The following LARP1B variants were observed in gnomAD, a reference collection of about 807,000 sequenced individuals.
LARP1B encodes la-related protein 1B.
LARP1B carries 76 observed loss-of-function variants against 114.2 expected under a neutral mutation model. The ratio of observed to expected loss-of-function variants is 0.67; its 90% confidence interval spans 0.55 to 0.81. The LOEUF (loss-of-function observed/expected upper bound fraction) is 0.81, where lower values mean the gene tolerates loss of function less well. Among genes scored for constraint, LARP1B ranks in the 30% least tolerant of loss-of-function variants. The pLI is 0.00. For synonymous variants in LARP1B, 345 were observed against 348.0 expected, an observed-to-expected ratio of 0.99 and a Z score of 0.10; for missense variants, 1,014 against 1,075.8, an observed-to-expected ratio of 0.94 and a Z score of 0.80.
intron 11 of LARP1B, among the ~76,000 whole-genome samples, chr4:128,153,745 G>T (rs1014057804): frequency 6.6e-6 from 1 of 152,180 alleles, no homozygotes; most frequent in Non-Finnish European, 1.5e-5. Context: ...TGACTCCCTT[G>T]TGTCTTTGTG....
intron 11 of LARP1B, among the ~76,000 whole-genome samples, chr4:128,139,344 T>C (rs1726877781): frequency 6.6e-6 from 1 of 152,118 alleles, no homozygotes; most frequent in Admixed American, 6.5e-5. Flanking sequence ...AGAATATCTG[T>C]AAGTCAGGCA....
intron 11 of LARP1B, among the ~76,000 whole-genome samples, chr4:128,157,032 C>T (rs542036334): frequency 1.3e-5 from 2 of 151,138 alleles, no homozygotes; most frequent in South Asian, 4.2e-4. Flanking sequence ...TATTAGAAGA[C>T]AATATGATAT....
At chr4:128,163,588 T>TAG (rs1177003045) in intron 12 of LARP1B, among the ~76,000 whole-genome samples, 1 of 152,188 alleles carries the variant, frequency 6.6e-6, no homozygotes, top group Non-Finnish European at 1.5e-5. Flanking sequence ...TATTCTGAGA[T>TAG]AGAGTTCTTA....
chr4:128,162,857 A>G (rs1346036072), intron 12 of LARP1B, among the ~76,000 whole-genome samples: 2 of 152,126 alleles, frequency 1.3e-5, no homozygotes, highest in Non-Finnish European at 2.9e-5. Context: ...ATACTTAATC[A>G]TCTCATACCC....
intron 11 of LARP1B, among the ~76,000 whole-genome samples, chr4:128,131,798 G>A (rs1329458278): frequency 6.6e-6 from 1 of 152,174 alleles, no homozygotes; most frequent in Non-Finnish European, 1.5e-5. Context: ...GGGCCAATAA[G>A]CACTTGAAAA....
intron 1 of LARP1B, among the ~76,000 whole-genome samples, chr4:128,071,192 G>T (rs1417229916): frequency 2.0e-5 from 3 of 151,482 alleles, no homozygotes; most frequent in Non-Finnish European, 2.9e-5. Context: ...GACTACAGGC[G>T]CCCGCCACCA....
chr4:128,083,566 C>CG (rs1771616118), intron 5 of LARP1B, among the ~76,000 whole-genome samples: 3 of 139,500 alleles, frequency 2.2e-5, no homozygotes, highest in South Asian at 2.4e-4. Flanking sequence ...GGCTGGCGGG[C>CG]AGGGGGCTGA....
At chr4:128,148,732 C>T (rs1196907307) in intron 11 of LARP1B, among the ~76,000 whole-genome samples, 1 of 151,986 alleles carries the variant, frequency 6.6e-6, no homozygotes, top group African/African-American at 2.4e-5. Flanking sequence ...GGGGTTCAAG[C>T]AATTCTGCTG....
At chr4:128,206,795 T>C (rs574747978) in intron 18 of LARP1B, 1 of 985,324 alleles carries the variant, frequency 1.0e-6, no homozygotes, top group Non-Finnish European at 1.2e-6. Flanking sequence ...CAAACGTGGC[T>C]ACTCACTGAT....
At chr4:128,129,285 G>A (rs1561338367) in intron 11 of LARP1B, among the ~76,000 whole-genome samples, 1 of 149,668 alleles carries the variant, frequency 6.7e-6, no homozygotes, top group Non-Finnish European at 1.5e-5. Context: ...AACCCGGAAG[G>A]CGGAGGGTGC....
intron 12 of LARP1B, among the ~76,000 whole-genome samples, chr4:128,166,997 C>CAT (rs1741322026): frequency 1.4e-5 from 2 of 146,050 alleles, no homozygotes; most frequent in Non-Finnish European, 3.0e-5. Flanking sequence ...TATATATACA[C>CAT]ACACACATAT....
intron 1 of LARP1B, among the ~76,000 whole-genome samples, chr4:128,067,723 T>C (rs201313596): frequency 5.0e-5 from 7 of 139,452 alleles, no homozygotes; most frequent in Admixed American, 2.2e-4. Flanking sequence ...TTTTTTTTTT[T>C]CTTTTTTTGA....
At chr4:128,094,055 C>CT (rs1013631916) in intron 7 of LARP1B, among the ~76,000 whole-genome samples, 20 of 149,658 alleles carry the variant, frequency 1.3e-4, no homozygotes, top group African/African-American at 4.9e-4. Context: ...TTGCAGTCTA[C>CT]TTTTTTTTAA....
chr4:128,132,201 G>A lies in LARP1B; in HGVS notation c.1524+10013G>A, dbSNP rs966226000. On this transcript the variant is annotated intron_variant, in intron 11 of 19. Coordinates refer to ENST00000326639, the MANE Select transcript of LARP1B (RefSeq NM_018078.4). Reference sequence around the variant, plus strand: ...ATGAATGTGGTATATCCATACAATAGAGTATTTGGCAATCAAAAGAAATGA... The same window carrying A: ...ATGAATGTGGTATATCCATACAATAAAGTATTTGGCAATCAAAAGAAATGA... Among the ~76,000 whole-genome samples the A allele has an allele frequency of 5.3e-5, 8 of 152,254 alleles. No individual in the cohort carries two copies. In the East Asian group the frequency reaches 1.5e-3, roughly 29 times the overall value.
At chr4:128,115,130 G>C (rs1437824016) in intron 10 of LARP1B, among the ~76,000 whole-genome samples, 1 of 152,036 alleles carries the variant, frequency 6.6e-6, no homozygotes, top group Non-Finnish European at 1.5e-5. Context: ...TAGAGACGGG[G>C]TTTCACCATG....
intron 12 of LARP1B, among the ~76,000 whole-genome samples, chr4:128,171,770 A>C (rs1743845981): frequency 6.6e-6 from 1 of 152,226 alleles, no homozygotes; most frequent in Non-Finnish European, 1.5e-5. Flanking sequence ...CACTGGATAA[A>C]GAATTCTGAA....
At chr4:128,176,711 T>A (rs1236485526) in intron 12 of LARP1B, among the ~76,000 whole-genome samples, 161 bp from the exon 13 acceptor site, 2 of 152,204 alleles carry the variant, frequency 1.3e-5, no homozygotes, top group Admixed American at 1.3e-4. Context: ...GCACTAGTAT[T>A]CGATGCAGTT....
At chr4:128,161,619 A>C (rs193126972) in intron 11 of LARP1B, among the ~76,000 whole-genome samples, 16 of 152,272 alleles carry the variant, frequency 1.1e-4, no homozygotes, top group Admixed American at 2.6e-4. Context: ...TCACTTAATT[A>C]CTTTGTAATA....
intron 8 of LARP1B, among the ~76,000 whole-genome samples, chr4:128,100,105 G>A (rs1280165226): frequency 2.6e-5 from 4 of 151,326 alleles, no homozygotes; most frequent in South Asian, 2.1e-4. Context: ...GATTACAGGC[G>A]CCTGCCACCA....
Sources: gnomAD v4.1 joint callset for allele counts (sites outside exome capture counted in the v4.1 genomes callset) on GRCh38, gnomAD v4.1.1 for gene constraint, MANE v1.5 for transcripts, NCBI Gene and HGNC (gene_info 2026-07-23, HGNC 2026-07-21) for gene names.